RAB27B: variants seen among roughly 807,000 people sequenced by gnomAD.
RAB27B encodes the protein ras-related protein Rab-27B.
In RAB27B, 15 loss-of-function variants were observed where a neutral mutation model predicts 24.6. That is an observed-to-expected ratio of 0.61 (90% CI 0.41 to 0.94). The LOEUF is 0.94. Among genes scored for constraint, RAB27B ranks in the 40% least tolerant of loss-of-function variants. The probability of loss-of-function intolerance (pLI) is 0.00; values close to 1 mark genes in which losing one functional copy is unlikely to be tolerated. For synonymous variants in RAB27B, 105 were observed against 92.5 expected (o/e 1.14, Z -0.78); for missense variants, 261 against 266.8 (o/e 0.98, Z 0.15).
intron 1 of RAB27B, among the ~76,000 whole-genome samples, chr18:54,864,026 C>A (rs1912113054): frequency 6.6e-6 from 1 of 152,090 alleles, no homozygotes; most frequent in South Asian, 2.1e-4. Context: ...TGTGTCTAGA[C>A]CCAGAAGTGG....
chr18:54,765,152 G>T (rs535560965), intron 2 of RAB27B, among the ~76,000 whole-genome samples: 1 of 152,200 alleles, frequency 6.6e-6, no homozygotes, highest in East Asian at 1.9e-4. Context: ...AGATTCTGGA[G>T]TTCTCATTAG....
At chr18:54,785,436 G>GTTTTTT (rs59750951) in intron 2 of RAB27B, among the ~76,000 whole-genome samples, 1 of 101,698 alleles carries the variant, frequency 9.8e-6, no homozygotes, top group Admixed American at 1.2e-4. Flanking sequence ...CCTTCCTCAG[G>GTTTTTT]TTTTTTTTTT....
intron 1 of RAB27B, among the ~76,000 whole-genome samples, chr18:54,869,778 G>A (rs910030259): frequency 6.6e-6 from 1 of 152,168 alleles, no homozygotes; most frequent in Non-Finnish European, 1.5e-5. Flanking sequence ...AATTAGAAAT[G>A]TCAAGTAGGA....
intron 1 of RAB27B, among the ~76,000 whole-genome samples, chr18:54,866,048 A>G (rs1912205302): frequency 6.6e-6 from 1 of 152,182 alleles, no homozygotes; most frequent in African/African-American, 2.4e-5. Context: ...CTCATGCTGT[A>G]TTATCAACAT....
At chr18:54,835,207 C>T (rs1024771871) in intron 1 of RAB27B, among the ~76,000 whole-genome samples, 1 of 151,790 alleles carries the variant, frequency 6.6e-6, no homozygotes, top group East Asian at 1.9e-4. Context: ...TGTCTTAGTG[C>T]CTTTGAAAAA....
intron 2 of RAB27B, among the ~76,000 whole-genome samples, chr18:54,762,077 T>A (rs1472039217): frequency 6.6e-6 from 1 of 152,198 alleles, no homozygotes; most frequent in East Asian, 1.9e-4. Flanking sequence ...GTAATGCGTC[T>A]ACAAGCCAAG....
intron 1 of RAB27B, among the ~76,000 whole-genome samples, chr18:54,870,120 T>C (rs1912403836): frequency 6.6e-6 from 1 of 152,148 alleles, no homozygotes; most frequent in Admixed American, 6.5e-5. Context: ...ATGAAGTTAA[T>C]ATAATGCAAA....
intron 2 of RAB27B, among the ~76,000 whole-genome samples, chr18:54,756,112 T>C (rs1326800135): frequency 6.6e-6 from 1 of 152,220 alleles, no homozygotes; most frequent in African/African-American, 2.4e-5. Context: ...AGTAGTATTA[T>C]CGACCTACTG....
chr18:54,831,302 T>C (rs910569326), intron 1 of RAB27B, among the ~76,000 whole-genome samples: 2 of 151,984 alleles, frequency 1.3e-5, no homozygotes, highest in African/African-American at 2.4e-5. Context: ...TGAAGCATTC[T>C]GGCATCTTTC....
intron 4 of RAB27B, among the ~76,000 whole-genome samples, chr18:54,884,841 C>T (rs1913068890): frequency 6.6e-6 from 1 of 152,110 alleles, no homozygotes; most frequent in African/African-American, 2.4e-5. Context: ...TGAGGGGACA[C>T]TGGCACTGAA....
chr18:54,747,317 G>C (rs1280902866), intron 2 of RAB27B, among the ~76,000 whole-genome samples: 1 of 152,136 alleles, frequency 6.6e-6, no homozygotes, highest in Non-Finnish European at 1.5e-5. Flanking sequence ...CCTTATAGAA[G>C]AATACTAGTT....
At chr18:54,810,031 CT>C (rs1318541375) in intron 2 of RAB27B, among the ~76,000 whole-genome samples, 1 of 152,156 alleles carries the variant, frequency 6.6e-6, no homozygotes, top group Non-Finnish European at 1.5e-5. Flanking sequence ...AACAATTGAT[CT>C]GAAAATATTA....
At chr18:54,812,780 G>A (rs568241182) in intron 2 of RAB27B, among the ~76,000 whole-genome samples, 12 of 152,134 alleles carry the variant, frequency 7.9e-5, no homozygotes, top group Non-Finnish European at 1.3e-4. Flanking sequence ...AATTTAAATC[G>A]TAGTGTGAGG....
At chr18:54,870,938 C>T (rs1412324594) in intron 1 of RAB27B, among the ~76,000 whole-genome samples, 1 of 152,128 alleles carries the variant, frequency 6.6e-6, no homozygotes, top group Non-Finnish European at 1.5e-5. Flanking sequence ...ATCGATTATA[C>T]TATTCTCTCA....
intron 1 of RAB27B, among the ~76,000 whole-genome samples, chr18:54,851,808 G>A (rs1256910516): frequency 6.6e-6 from 1 of 151,886 alleles, no homozygotes; most frequent in Non-Finnish European, 1.5e-5. Flanking sequence ...ATTTTTTTCT[G>A]TGATTGTGTT....
chr18:54,813,421 G>A (rs1910028542), intron 2 of RAB27B, among the ~76,000 whole-genome samples: 1 of 152,208 alleles, frequency 6.6e-6, no homozygotes, highest in Non-Finnish European at 1.5e-5. Context: ...GTAGTGGGAG[G>A]TGTTGGGTCA....
chr18:54,736,687 T>C (rs572590763), intron 2 of RAB27B, among the ~76,000 whole-genome samples: 1 of 152,244 alleles, frequency 6.6e-6, no homozygotes, highest in South Asian at 2.1e-4. Flanking sequence ...GAAAGTGATA[T>C]TTCGATAAGA....
intron 3 of RAB27B, chr18:54,880,107 CA>C (rs5825099): frequency 0.79 from 119,485 of 152,154 alleles, 49,897 homozygotes; most frequent in East Asian, 0.99. Flanking sequence ...GCCACCTTGT[CA>C]TGAAATGAAC....
rs373041184 is a variant in RAB27B at position 54,881,189 on chromosome 18, A to T, written c.239+1735A>T. ...CAATGCGCTAGAAGCCAATACTATG[A>T]CACTGGATTTTGAGAAAAAGAAAGG... On this transcript the variant is annotated intron_variant, in intron 3 of 5. Coordinates refer to ENST00000262094, the MANE Select transcript of RAB27B (RefSeq NM_004163.4). Among the ~76,000 whole-genome samples, 4 of 152,258 alleles carry T rather than the reference A, an allele frequency of 2.6e-5. No homozygotes were observed. The East Asian group carries it at 7.7e-4, about 29-fold the overall frequency.
Sources: allele counts gnomAD v4.1 joint callset (sites outside exome capture counted in the v4.1 genomes callset), GRCh38; gene constraint gnomAD v4.1.1; transcripts MANE v1.5; gene names NCBI Gene and HGNC (gene_info 2026-07-23, HGNC 2026-07-21).